The following MAOB variants were observed in gnomAD, a reference collection of about 807,000 sequenced individuals.
MAOB encodes amine oxidase [flavin-containing] B.
In MAOB, 15 loss-of-function variants were observed where a neutral mutation model predicts 41.9. The ratio of observed to expected loss-of-function variants is 0.36; its 90% CI spans 0.24 to 0.55. The LOEUF is 0.55. MAOB is among the 20% of genes least tolerant of loss of function. The probability of loss-of-function intolerance (pLI) is 0.86; values close to 1 mark genes in which losing one functional copy is unlikely to be tolerated. For missense variants in MAOB, 345 were observed against 398.7 expected (o/e 0.87, Z 1.15); for synonymous variants, 167 against 144.2 (o/e 1.16, Z -1.13).
intron 1 of MAOB, among the ~76,000 whole-genome samples, chrX:43,867,228 C>T (rs757496091): frequency 3.7e-4 from 41 of 111,793 alleles, no homozygotes; most frequent in African/African-American, 1.3e-3. Flanking sequence ...TTCCTGAAAC[C>T]GGAAACATTG....
intron 3 of MAOB, among the ~76,000 whole-genome samples, chrX:43,806,008 TTTTTACAAAGTAACTTTG>T (rs1247441488): frequency 1.8e-5 from 2 of 112,637 alleles, no homozygotes; most frequent in Non-Finnish European, 3.8e-5. Flanking sequence ...GTTTTACAAA[TTTTTACAAAGTAACTTTG>T]TTTTACAAAG....
At chrX:43,844,889 C>T (rs2035183586) in intron 1 of MAOB, among the ~76,000 whole-genome samples, 1 of 111,853 alleles carries the variant, frequency 8.9e-6, no homozygotes, top group Admixed American at 9.5e-5. Context: ...GATGCTCCAG[C>T]TCACAGTCAG....
intron 1 of MAOB, among the ~76,000 whole-genome samples, chrX:43,870,639 C>CA (rs2147181256): frequency 9.3e-6 from 1 of 107,401 alleles, no homozygotes; most frequent in East Asian, 2.9e-4. Context: ...ACTAAAAATA[C>CA]AAAAAATTAG....
intron 1 of MAOB, among the ~76,000 whole-genome samples, chrX:43,854,063 C>T (rs2035272637): frequency 8.9e-6 from 1 of 112,374 alleles, no homozygotes; most frequent in Non-Finnish European, 1.9e-5. Flanking sequence ...TGGGTAGCCA[C>T]TCCAGAATGG....
At chrX:43,855,332 T>C (rs956261118) in intron 1 of MAOB, among the ~76,000 whole-genome samples, 2 of 111,330 alleles carry the variant, frequency 1.8e-5, no homozygotes, top group African/African-American at 6.5e-5. Context: ...TACAGTCCCA[T>C]CCTAACAGTG....
rs866950256 is a variant in MAOB at position 43,778,709 on chromosome X, C to A, written c.1110G>T (p.Lys370Asn). 8.3e-7 allele frequency: 1 copy of A among 1,207,334 alleles called. No individual in the cohort carries two copies. Among genetic ancestry groups the A allele is most frequent in the South Asian group, 1.8e-5 (1 of 56,521 alleles). ...CCAGAGCTTCTAGGGAACCCAGAAC[C>A]TTGGCATAGAGTTCACAAAGTTTCT... Reference protein sequence around the residue: ...RLKKLCELYAKVLGSLEALEP... With the variant: ...RLKKLCELYANVLGSLEALEP... Residue 370 changes from lysine to asparagine, a missense_variant, in exon 11 of 15, where the codon AAG becomes AAT. Transcript: ENST00000378069.
Position 43,767,592 on chromosome X carries a change from G to T in MAOB, c.1437C>A (p.Thr479=), listed in dbSNP as rs764937254. 1 of 1,210,564 alleles carries T rather than the reference G, an allele frequency of 8.3e-7. No individual in the cohort carries two copies. Among genetic ancestry groups the T allele is most frequent in the Non-Finnish European group, 1.1e-6 (1 of 894,843 alleles). Residue 479 remains threonine (T), a synonymous_variant, in exon 15 of 15, where the codon ACC becomes ACA. Coordinates refer to ENST00000378069, the MANE Select transcript of MAOB (RefSeq NM_000898.5). Reference sequence around the variant, plus strand: ...AGGGCAAATGTCTCTCCAAAAAGGTGGTGGTGATGGGCTGTGCAGGGACAT... The same window carrying T: ...AGGGCAAATGTCTCTCCAAAAAGGTTGTGGTGATGGGCTGTGCAGGGACAT... ...SVDVPAQPIT[T]TFLERHLPSV... is the part of the protein sequence containing the mutation.
chrX:43,877,448 A>G (rs2035447075), intron 1 of MAOB, among the ~76,000 whole-genome samples: 1 of 111,200 alleles, frequency 9.0e-6, no homozygotes, highest in African/African-American at 3.3e-5. Flanking sequence ...ATCAAGCAGA[A>G]AGAACAAGGC....
intron 3 of MAOB, among the ~76,000 whole-genome samples, chrX:43,829,452 T>A (rs922428055): frequency 3.6e-5 from 4 of 112,474 alleles, no homozygotes; most frequent in African/African-American, 1.3e-4. Flanking sequence ...TCCCTTGAAT[T>A]TATTGCGCAG....
chrX:43,845,408 A>G (rs2035188446), intron 1 of MAOB, among the ~76,000 whole-genome samples: 1 of 112,495 alleles, frequency 8.9e-6, no homozygotes, highest in Admixed American at 9.4e-5. Context: ...TAAAATAGCT[A>G]ATACTCTTAT....
At chrX:43,875,262 G>C (rs1488523667) in intron 1 of MAOB, among the ~76,000 whole-genome samples, 1 of 111,663 alleles carries the variant, frequency 9.0e-6, no homozygotes, top group Non-Finnish European at 1.9e-5. Context: ...CAAAAGAAGG[G>C]GCTGTGAGGT....
At chrX:43,857,380 A>G (rs1258820594) in intron 1 of MAOB, among the ~76,000 whole-genome samples, 1 of 107,973 alleles carries the variant, frequency 9.3e-6, no homozygotes, top group African/African-American at 3.4e-5. Context: ...GGGTTTCTTC[A>G]TGTTGGTCAG....
chrX:43,866,209 G>A lies in MAOB; in HGVS notation c.46+16045C>T, dbSNP rs148271480. Among the ~76,000 whole-genome samples the A allele has an allele frequency of 4.1e-3, 458 of 111,297 alleles. 4 individuals carry two copies. The highest frequency in any genetic ancestry group is 0.014 in the African/African-American group (437 of 30,570). ...GAAAAATTGCCCTTCCAGGAGAAAC[G>A]TGTGAAAGGAAATACACCAGGCTGT... On this transcript the variant is annotated intron_variant, in intron 1 of 14. Coordinates refer to ENST00000378069, the MANE Select transcript of MAOB (RefSeq NM_000898.5).
chrX:43,838,904 T>A lies in MAOB; in HGVS notation c.243A>T (p.Lys81Asn). Residue 81 changes from lysine (K) to asparagine (N), a missense_variant, in exon 3 of 15, where the codon AAA (lysine) becomes AAT (asparagine). Physicochemically the swap from Lys to Asn is moderately conservative, Grantham distance 94. Coordinates refer to ENST00000378069, the MANE Select transcript of MAOB (RefSeq NM_000898.5). ...LAKELGLETYKVNEVERLIHH... is the reference protein window; with the variant it reads ...LAKELGLETYNVNEVERLIHH... ...GGATCAGACGCTCAACCTCATTCAC[T>A]TTGTAGGTCTCCAATCCTAGCTCCT... 8.3e-7 allele frequency: 1 copy of A among 1,207,190 alleles called. No individual in the cohort carries two copies. The highest frequency in any genetic ancestry group is 1.1e-6 in the Non-Finnish European group (1 of 893,029).
chrX:43,811,196 G>C (rs1335594026), intron 3 of MAOB, among the ~76,000 whole-genome samples: 1 of 111,305 alleles, frequency 9.0e-6, no homozygotes, highest in Non-Finnish European at 1.9e-5. Flanking sequence ...CAACATCAAT[G>C]TTCTACATGT....
intron 3 of MAOB, among the ~76,000 whole-genome samples, chrX:43,818,036 T>C (rs1470830359): frequency 4.5e-5 from 5 of 112,224 alleles, no homozygotes; most frequent in African/African-American, 1.3e-4. Flanking sequence ...AAATATCTGA[T>C]AGTGTGTTCA....
In MAOB at chrX:43,822,238, G is replaced by C. The variant is rs183031047; in HGVS notation, c.279+16630C>G. ...ACAAGCCAAAATGATGATTCACTTA[G>C]ATGAGTCAGAATACTTCTCCAAAGA... is the stretch of plus-strand genomic sequence containing the variant. On this transcript the variant is annotated intron_variant, in intron 3 of 14. Coordinates refer to ENST00000378069, the MANE Select transcript of MAOB (RefSeq NM_000898.5). Among the ~76,000 whole-genome samples the C allele has an allele frequency of 8.9e-4, 100 of 112,360 alleles. 1 individual carries two copies. The South Asian group carries it at 0.013, about 14-fold the overall frequency.
At chrX:43,839,180 T>C (rs910010586) in intron 2 of MAOB, among the ~76,000 whole-genome samples, 175 bp from the exon 3 acceptor site, 1 of 112,519 alleles carries the variant, frequency 8.9e-6, no homozygotes, top group Non-Finnish European at 1.9e-5. Context: ...GACTTAGTTA[T>C]TAAATCAATC....
intron 3 of MAOB, among the ~76,000 whole-genome samples, chrX:43,834,206 G>T (rs367756752): frequency 2.0e-4 from 22 of 111,923 alleles, no homozygotes; most frequent in African/African-American, 6.8e-4. Flanking sequence ...TGTAAAATGG[G>T]CAACTGTTCC....
Sources: gnomAD v4.1 joint callset for allele counts (sites outside exome capture counted in the v4.1 genomes callset) on GRCh38, gnomAD v4.1.1 for gene constraint, MANE v1.5 for transcripts, NCBI Gene and HGNC (gene_info 2026-07-23, HGNC 2026-07-21) for gene names.